DIP2C: variants seen among roughly 807,000 people sequenced by gnomAD.
DIP2C encodes the protein disco-interacting protein 2 homolog C.
DIP2C carries 33 observed loss-of-function variants against 192.4 expected under a neutral mutation model. The ratio of observed to expected loss-of-function variants is 0.17; its 90% confidence interval spans 0.13 to 0.23. The LOEUF is 0.23. Among genes scored for constraint, DIP2C ranks in the 10% least tolerant of loss-of-function variants. DIP2C has a pLI of 1.00. For missense variants in DIP2C, 1,537 were observed against 2,110.1 expected, an observed-to-expected ratio of 0.73 and a Z score of 5.32; for synonymous variants, 979 against 864.1, an observed-to-expected ratio of 1.13 and a Z score of -2.33.
Position 363,582 on chromosome 10 carries a change from C to T in DIP2C, c.2478-271G>A, listed in dbSNP as rs532296989. ...GCTCTGGTGACCAGGTTGCGCCTTT[C>T]GGTACAGAGGGGCAAATGCGCAATG... On this transcript the variant is annotated intron_variant, in intron 20 of 36. Coordinates refer to ENST00000280886, the MANE Select transcript of DIP2C (RefSeq NM_014974.3). The surrounding 1 kb of genome is among the most constrained non-coding windows in gnomAD (Gnocchi z 5.4). Among the ~76,000 whole-genome samples the T allele has an allele frequency of 3.3e-5, 5 of 152,292 alleles. No individual in the cohort carries two copies. The highest frequency in any genetic ancestry group is 9.6e-5 in the African/African-American group (4 of 41,546).
intron 1 of DIP2C, among the ~76,000 whole-genome samples, chr10:596,134 G>GA (rs536381061): frequency 2.9e-4 from 44 of 152,172 alleles, no homozygotes; most frequent in Non-Finnish European, 5.3e-4. Context: ...GAAGTGCTAT[G>GA]AAAAGCTGAA....
chr10:490,775 T>C (rs553583162), intron 1 of DIP2C, among the ~76,000 whole-genome samples: 6 of 152,182 alleles, frequency 3.9e-5, no homozygotes, highest in Non-Finnish European at 8.8e-5. Context: ...ACGCCACTTA[T>C]GTTATTCTCA....
chr10:596,904 C>T (rs1851742394), intron 1 of DIP2C, among the ~76,000 whole-genome samples: 1 of 152,242 alleles, frequency 6.6e-6, no homozygotes, highest in Admixed American at 6.5e-5. Flanking sequence ...GAGCAATGCG[C>T]ATAGTGACGC....
At chr10:380,163 AG>A (rs1447532151) in intron 17 of DIP2C, among the ~76,000 whole-genome samples, 1 of 151,818 alleles carries the variant, frequency 6.6e-6, no homozygotes, top group Admixed American at 6.6e-5. Context: ...GTTAACGCAC[AG>A]AAGAGGCTGT....
chr10:512,001 GCAC>G (rs1003243770), intron 1 of DIP2C, among the ~76,000 whole-genome samples: 3 of 152,150 alleles, frequency 2.0e-5, no homozygotes, highest in African/African-American at 7.2e-5. Flanking sequence ...AAAAGCGTGA[GCAC>G]CACAATCACC....
rs189598710 is a variant in DIP2C, at chr10:344,888, A to G, written c.3374T>C (p.Ile1125Thr). 2 of 1,607,920 alleles carry G rather than the reference A, an allele frequency of 1.2e-6. No individual in the cohort carries two copies. Among genetic ancestry groups the G allele is most frequent in the Admixed American group, 1.7e-5 (1 of 59,146 alleles). Residue 1125 changes from isoleucine to threonine, a missense_variant, in exon 28 of 37, where the codon ATC becomes ACC. This residue lies in a region of DIP2C where 46 missense variants were observed against 28.9 expected (regional missense o/e 1.59). Coordinates refer to ENST00000280886, the MANE Select transcript of DIP2C (RefSeq NM_014974.3). ...DDLPKKRPAQICKPCNPDTLA... is the reference protein window; with the variant it reads ...DDLPKKRPAQTCKPCNPDTLA... ...AGTGTCTGGGTTGCAAGGTTTGCAG[A>G]TCTGGGCAGGCCGCTTCTTTGGCAA...
intron 1 of DIP2C, among the ~76,000 whole-genome samples, chr10:520,563 C>CT (rs895416230): frequency 5.3e-5 from 8 of 152,184 alleles, no homozygotes; most frequent in African/African-American, 1.7e-4. Context: ...AACATGAACC[C>CT]TTTCTCACTC....
intron 1 of DIP2C, among the ~76,000 whole-genome samples, chr10:647,800 T>C (rs1033806572): frequency 4.2e-5 from 6 of 142,512 alleles, no homozygotes; most frequent in East Asian, 2.2e-4. Context: ...CACGTCCACA[T>C]TGGATGGTGG....
intron 1 of DIP2C, among the ~76,000 whole-genome samples, chr10:616,228 G>A (rs1173806875): frequency 1.3e-5 from 2 of 152,172 alleles, no homozygotes; most frequent in Admixed American, 1.3e-4. Flanking sequence ...TTTGTAATCT[G>A]GACCGCAATC....
intron 31 of DIP2C, among the ~76,000 whole-genome samples, chr10:320,582 G>A (rs1956961899): frequency 1.3e-5 from 2 of 152,056 alleles, no homozygotes; most frequent in South Asian, 4.1e-4. Context: ...CTGTGATGAT[G>A]TGAGATGGCA....
intron 1 of DIP2C, among the ~76,000 whole-genome samples, chr10:583,149 G>T (rs902327765): frequency 2.0e-5 from 3 of 152,158 alleles, no homozygotes; most frequent in Non-Finnish European, 4.4e-5. Flanking sequence ...CTCCTCCAAT[G>T]GAGCCTTCAC....
chr10:472,093 A>G (rs142435419), intron 3 of DIP2C, among the ~76,000 whole-genome samples: 2 of 152,344 alleles, frequency 1.3e-5, no homozygotes, highest in Non-Finnish European at 2.9e-5. Flanking sequence ...GACCTAGAAA[A>G]CAAATCACTG....
chr10:533,473 T>C (rs957901478), intron 1 of DIP2C, among the ~76,000 whole-genome samples: 31 of 152,062 alleles, frequency 2.0e-4, no homozygotes, highest in African/African-American at 6.3e-4. Flanking sequence ...TCCTTCCAAA[T>C]AGTTTATTCT....
At chr10:367,333 C>G (rs577186152) in intron 18 of DIP2C, among the ~76,000 whole-genome samples, 7 of 151,202 alleles carry the variant, frequency 4.6e-5, no homozygotes, top group Admixed American at 1.3e-4. Flanking sequence ...AGGAGAATGG[C>G]GTGAACCCGG....
intron 18 of DIP2C, among the ~76,000 whole-genome samples, chr10:368,648 G>C (rs1431445260): frequency 1.3e-5 from 2 of 152,244 alleles, no homozygotes; most frequent in African/African-American, 4.8e-5. Flanking sequence ...CTGCCTCTGT[G>C]AGACTCCATG....
rs192451817 is a variant in DIP2C at position 282,438 on chromosome 10, T to G, written c.4294+834A>C. On this transcript the variant is annotated intron_variant, in intron 35 of 36. Coordinates refer to ENST00000280886, the MANE Select transcript of DIP2C (RefSeq NM_014974.3). Reference sequence around the variant, plus strand: ...CATAGCCTGTTGGGCCAGGCCATTGTAGGTATGTTAGAGAGGTATGTAAGG... The same window carrying G: ...CATAGCCTGTTGGGCCAGGCCATTGGAGGTATGTTAGAGAGGTATGTAAGG... 2.4e-3 allele frequency among the ~76,000 whole-genome samples: 372 copies of G among 152,290 alleles called. 1 individual carries two copies. Among genetic ancestry groups the G allele is most frequent in the African/African-American group, 8.7e-3 (360 of 41,570 alleles).
chr10:353,938 G>C (rs967497774), intron 24 of DIP2C, among the ~76,000 whole-genome samples: 4 of 152,222 alleles, frequency 2.6e-5, no homozygotes, highest in African/African-American at 7.2e-5. Flanking sequence ...GCTGAACAGG[G>C]AAGCTGATTT....
chr10:344,964 G>A (rs781116969), intron 27 of DIP2C, 35 bp downstream of exon 27: 78 of 1,606,308 alleles, frequency 4.9e-5, no homozygotes, highest in Admixed American at 1.0e-4. Flanking sequence ...GAGCAAGGCC[G>A]TGAGCAAACC....
chr10:394,509 G>T, intron 10 of DIP2C, among the ~76,000 whole-genome samples: 1 of 50,160 alleles, frequency 2.0e-5, no homozygotes, highest in African/African-American at 6.6e-5. Context: ...CACAGTGGGC[G>T]CTATTCAGCC....
Sources: allele counts gnomAD v4.1 joint callset (sites outside exome capture counted in the v4.1 genomes callset), GRCh38; gene constraint gnomAD v4.1.1; regional missense constraint gnomAD v4.1.1; non-coding constraint Gnocchi (gnomAD v3.1); transcripts MANE v1.5; gene names NCBI Gene and HGNC (gene_info 2026-07-23, HGNC 2026-07-21).